ERC2: variants seen among roughly 807,000 people sequenced by gnomAD.
ERC2 encodes ELKS/RAB6-interacting/CAST family member 2.
In ERC2, 42 loss-of-function variants were observed where a neutral mutation model predicts 114.8. That is an observed-to-expected ratio of 0.37 (90% CI 0.29 to 0.47). The LOEUF (loss-of-function observed/expected upper bound fraction) is 0.47, where lower values mean the gene tolerates loss of function less well. Ranked by LOEUF, ERC2 falls within the 20% of genes least tolerant of loss-of-function variation. ERC2 has a pLI of 0.99. For synonymous variants in ERC2, 454 were observed against 425.5 expected, an observed-to-expected ratio of 1.07 and a Z score of -0.82; for missense variants, 939 against 1,150.7, an observed-to-expected ratio of 0.82 and a Z score of 2.66.
chr3:56,438,553 T>C (rs1194520380), intron 1 of ERC2, among the ~76,000 whole-genome samples: 2 of 152,244 alleles, frequency 1.3e-5, no homozygotes, highest in Admixed American at 6.5e-5. Flanking sequence ...TAATGATATA[T>C]ACTTTTTTCA....
chr3:56,072,722 T>C (rs2076796626), intron 7 of ERC2, among the ~76,000 whole-genome samples: 1 of 152,132 alleles, frequency 6.6e-6, no homozygotes, highest in African/African-American at 2.4e-5. Flanking sequence ...TTATTTTCAG[T>C]CAGGAAAAAA....
chr3:55,739,223 T>A (rs905293255), intron 14 of ERC2, among the ~76,000 whole-genome samples: 1 of 152,224 alleles, frequency 6.6e-6, no homozygotes, highest in Admixed American at 6.5e-5. Flanking sequence ...TAAACATACA[T>A]GTGCATGTGT....
intron 6 of ERC2, among the ~76,000 whole-genome samples, chr3:56,098,647 GT>G (rs2078190110): frequency 1.3e-5 from 2 of 152,286 alleles, no homozygotes; most frequent in East Asian, 3.9e-4. Flanking sequence ...GAATCTGCTT[GT>G]TTGTATCACA....
chr3:56,369,565 A>C (rs2059282872), intron 2 of ERC2, among the ~76,000 whole-genome samples: 1 of 152,094 alleles, frequency 6.6e-6, no homozygotes, highest in Admixed American at 6.5e-5. Context: ...CCTAGAGGAG[A>C]CTCTTAGAGA....
intron 17 of ERC2, among the ~76,000 whole-genome samples, chr3:55,676,157 A>C (rs1052804668): frequency 5.9e-5 from 9 of 151,578 alleles, no homozygotes; most frequent in African/African-American, 1.7e-4. Context: ...TCCTGACCTC[A>C]AGTGATCTGT....
intron 17 of ERC2, among the ~76,000 whole-genome samples, chr3:55,674,394 G>A (rs1277582665): frequency 6.6e-6 from 1 of 152,168 alleles, no homozygotes; most frequent in Non-Finnish European, 1.5e-5. Flanking sequence ...AATATGGCAA[G>A]ATATATACTG....
chr3:56,428,551 G>A (rs1358830254), intron 2 of ERC2, among the ~76,000 whole-genome samples: 1 of 111,790 alleles, frequency 8.9e-6, no homozygotes, highest in Admixed American at 8.9e-5. Flanking sequence ...AAGGAAGGAA[G>A]GAAGGGAGGG....
rs78167588 is a variant in ERC2, at chr3:55,548,743, T to C, written c.*40-37467A>G. On this transcript the variant is annotated intron_variant, in intron 17 of 17. Coordinates refer to ENST00000288221, the MANE Select transcript of ERC2 (RefSeq NM_015576.3). ...ACTTTAATAACGTGGGTGGCTTAGA[T>C]GAGGGGTCCCAAATGTGCACTGTTC... 8.3e-3 allele frequency among the ~76,000 whole-genome samples: 1,260 copies of C among 152,246 alleles called. 17 individuals are homozygous for C. The highest frequency in any genetic ancestry group is 0.029 in the African/African-American group (1,184 of 41,534).
intron 3 of ERC2, among the ~76,000 whole-genome samples, chr3:56,253,710 G>A (rs1658870103): frequency 6.6e-6 from 1 of 152,192 alleles, no homozygotes; most frequent in Admixed American, 6.5e-5. Context: ...ACATCTCTCA[G>A]ACTTTAAGAA....
At chr3:56,070,714 C>A (rs1018047825) in intron 7 of ERC2, among the ~76,000 whole-genome samples, 6 of 152,082 alleles carry the variant, frequency 3.9e-5, no homozygotes, top group Non-Finnish European at 7.4e-5. Flanking sequence ...AAATGACTCT[C>A]CAACTTTAAT....
chr3:55,873,194 C>T (rs904558064), intron 14 of ERC2, among the ~76,000 whole-genome samples: 1 of 152,122 alleles, frequency 6.6e-6, no homozygotes, highest in Non-Finnish European at 1.5e-5. Context: ...GGAGCCAATG[C>T]AGAGTGGGCA....
chr3:56,264,345 C>A (rs978993519), intron 3 of ERC2, among the ~76,000 whole-genome samples: 7 of 152,034 alleles, frequency 4.6e-5, no homozygotes, highest in Non-Finnish European at 8.8e-5. Flanking sequence ...GCCTGTAATC[C>A]CAGAACTTTA....
chr3:55,677,625 G>A (rs914740676), intron 17 of ERC2, among the ~76,000 whole-genome samples: 4 of 152,126 alleles, frequency 2.6e-5, no homozygotes, highest in Admixed American at 6.5e-5. Context: ...GGGGAGAGAC[G>A]GAAGGTGACT....
intron 3 of ERC2, among the ~76,000 whole-genome samples, chr3:56,263,858 A>G (rs2053110228): frequency 1.3e-5 from 2 of 152,198 alleles, no homozygotes; most frequent in African/African-American, 4.8e-5. Flanking sequence ...GCACCACAAG[A>G]AAAGTATAGG....
intron 3 of ERC2, among the ~76,000 whole-genome samples, chr3:56,274,574 C>T (rs2053870153): frequency 6.6e-6 from 1 of 151,976 alleles, no homozygotes; most frequent in African/African-American, 2.4e-5. Context: ...GTTCAAAGGC[C>T]AACTATAATT....
At chr3:56,045,574 C>A (rs948912551) in intron 7 of ERC2, among the ~76,000 whole-genome samples, 1 of 152,108 alleles carries the variant, frequency 6.6e-6, no homozygotes, top group East Asian at 1.9e-4. Flanking sequence ...ACGAAAGCCA[C>A]GGTGTTGCAT....
intron 14 of ERC2, among the ~76,000 whole-genome samples, chr3:55,780,488 C>G (rs2149049255): frequency 6.6e-6 from 1 of 151,946 alleles, no homozygotes; most frequent in Non-Finnish European, 1.5e-5. Flanking sequence ...ATAGACATAA[C>G]AAAAAATTAT....
At position 55,566,504 on chromosome 3, in the gene ERC2, T is replaced by C. The variant is rs1280767058; in HGVS notation, c.*40-55228A>G. Among the ~76,000 whole-genome samples, 7 of 152,294 alleles carry C rather than the reference T, an allele frequency of 4.6e-5. 1 individual carries two copies. In the South Asian group the frequency reaches 8.3e-4, roughly 18 times the overall value. On this transcript the variant is annotated intron_variant, in intron 17 of 17. Coordinates refer to ENST00000288221, the MANE Select transcript of ERC2 (RefSeq NM_015576.3). ...TGGAGTGCAATGGTACAATCTCCAC[T>C]CACTGCTACCTCCACCTCCTGGGTT...
chr3:55,804,979 G>A (rs1464760248), intron 14 of ERC2, among the ~76,000 whole-genome samples: 3 of 151,982 alleles, frequency 2.0e-5, no homozygotes, highest in African/African-American at 7.2e-5. Context: ...AAAAGCCACA[G>A]TGCCACACAA....
Sources: allele counts gnomAD v4.1 joint callset (sites outside exome capture counted in the v4.1 genomes callset), GRCh38; gene constraint gnomAD v4.1.1; transcripts MANE v1.5; gene names NCBI Gene and HGNC (gene_info 2026-07-23, HGNC 2026-07-21).